The following HSD17B4 variants were observed in gnomAD, a reference collection of about 807,000 sequenced individuals.
HSD17B4 encodes peroxisomal multifunctional enzyme type 2.
In HSD17B4, 70 loss-of-function variants were observed where a neutral mutation model predicts 101.0. That is an observed-to-expected ratio of 0.69 (90% confidence interval 0.57 to 0.85). The LOEUF (loss-of-function observed/expected upper bound fraction) is 0.85, where lower values mean the gene tolerates loss of function less well. HSD17B4 is among the 40% of genes least tolerant of loss of function. The pLI, the probability that HSD17B4 is intolerant of heterozygous loss-of-function variation, is 0.00. For missense variants in HSD17B4, 984 were observed against 892.4 expected (o/e 1.10, Z -1.31); for synonymous variants, 347 against 297.1 (o/e 1.17, Z -1.73).
rs377227615 is a variant in HSD17B4, at chr5:119,497,844, A to T, written c.972+1198A>T. On this transcript the variant is annotated intron_variant, in intron 12 of 23. Coordinates refer to ENST00000510025, the MANE Select transcript of HSD17B4 (RefSeq NM_000414.4). ...TTTTTCAGTACCATTAGATTTCTGT[A>T]TCTAACTGTATGACAAGTATCATTT... Among the ~76,000 whole-genome samples, 78 of 152,304 alleles carry T rather than the reference A, an allele frequency of 5.1e-4. 2 individuals carry two copies. In the South Asian group the frequency reaches 0.016, roughly 31 times the overall value.
intron 10 of HSD17B4, chr5:119,492,552 A>C (rs1374348248): frequency 5.9e-6 from 1 of 169,566 alleles, no homozygotes; most frequent in East Asian, 1.5e-4. Flanking sequence ...CAATTTTCCC[A>C]TGTAATTATT....
chr5:119,502,216 C>T (rs1020323861), intron 14 of HSD17B4, 124 bp downstream of exon 14: 5 of 704,882 alleles, frequency 7.1e-6, no homozygotes, highest in South Asian at 3.3e-5. Context: ...AATTGTTATG[C>T]ACATGTGAGC....
intron 8 of HSD17B4, among the ~76,000 whole-genome samples, chr5:119,482,217 G>C (rs1424716539): frequency 1.3e-5 from 2 of 151,942 alleles, no homozygotes. Flanking sequence ...GCGTTTCCGT[G>C]CAGGAAGTTT....
At position 119,537,060 on chromosome 5, in the gene HSD17B4, A is replaced by G. The variant is rs549373967; in HGVS notation, c.2121+510A>G. Among the ~76,000 whole-genome samples, 8 of 152,256 alleles carry G rather than the reference A, an allele frequency of 5.3e-5. No individual in the cohort carries two copies. The South Asian group carries it at 1.4e-3, about 28-fold the overall frequency. ...CAAAATTAAAGTAATTGATGTGGCA[A>G]TTAGAATGGAGGAGAAAAATTTGTT... On this transcript the variant is annotated intron_variant, in intron 23 of 23. Transcript: ENST00000510025.
intron 16 of HSD17B4, among the ~76,000 whole-genome samples, chr5:119,512,923 C>G (rs192158754): frequency 8.5e-5 from 13 of 152,218 alleles, no homozygotes; most frequent in African/African-American, 3.1e-4. Context: ...TTGGACAACT[C>G]TATGAATATA....
intron 16 of HSD17B4, among the ~76,000 whole-genome samples, chr5:119,512,107 AAAAG>A (rs1220517038): frequency 2.0e-5 from 3 of 152,214 alleles, no homozygotes; most frequent in Non-Finnish European, 2.9e-5. Flanking sequence ...TAGATTTGAC[AAAAG>A]AAAGAATCAA....
At chr5:119,492,497 G>C (rs952908008) in intron 10 of HSD17B4, 9 of 210,744 alleles carry the variant, frequency 4.3e-5, no homozygotes, top group African/African-American at 2.1e-4. Context: ...AGCTGTTTTG[G>C]AAAAAGATGG....
In HSD17B4 at chr5:119,527,137, G is replaced by A. The variant is rs35281104; in HGVS notation, c.1685G>A (p.Arg562His). ...DVSRFKAIKA[R>H]FAKPVYPGQT... is the part of the protein sequence containing the mutation. The stretch of plus-strand genomic sequence containing the variant: ...CCCCACAATTCTTTTTTAAAGGCTC[G>A]TTTTGCAAAACCAGTATATCCAGGA... Residue 562 changes from arginine (R) to histidine (H), a missense_variant, in exon 20 of 24, where the codon CGT (arginine) becomes CAT (histidine). Arg to His is a conservative substitution (Grantham distance 29). Transcript: ENST00000510025. 5.9e-5 allele frequency: 94 copies of A among 1,588,786 alleles called. No individual in the cohort carries two copies. The African/African-American group carries it at 8.1e-4, about 14-fold the overall frequency.
chr5:119,454,720 C>G (rs1754423397), intron 1 of HSD17B4, among the ~76,000 whole-genome samples: 1 of 152,098 alleles, frequency 6.6e-6, no homozygotes, highest in African/African-American at 2.4e-5. Context: ...CTTCCGGGTT[C>G]AAACAATTCT....
intron 2 of HSD17B4, among the ~76,000 whole-genome samples, chr5:119,472,002 G>A (rs1345181976): frequency 1.3e-5 from 2 of 152,100 alleles, no homozygotes; most frequent in African/African-American, 4.8e-5. Flanking sequence ...ATCAATTAAT[G>A]TTTGTAAATA....
chr5:119,520,425 G>A (rs1753010273), intron 17 of HSD17B4, among the ~76,000 whole-genome samples: 1 of 151,898 alleles, frequency 6.6e-6, no homozygotes, highest in African/African-American at 2.4e-5. Context: ...TTAGATTTCT[G>A]GAGTTATTTT....
intron 8 of HSD17B4, among the ~76,000 whole-genome samples, chr5:119,480,927 T>A (rs1269198236): frequency 1.3e-5 from 2 of 152,204 alleles, no homozygotes; most frequent in Admixed American, 6.5e-5. Flanking sequence ...ATGGCTCTGT[T>A]CTGCTCGGCT....
intron 2 of HSD17B4, among the ~76,000 whole-genome samples, chr5:119,473,464 A>G (rs1190905514): frequency 6.6e-6 from 1 of 151,450 alleles, no homozygotes; most frequent in Non-Finnish European, 1.5e-5. Context: ...GACTACAGAT[A>G]CATGCCATAA....
intron 14 of HSD17B4, among the ~76,000 whole-genome samples, chr5:119,503,436 C>A (rs1303792092): frequency 6.6e-6 from 1 of 152,042 alleles, no homozygotes; most frequent in African/African-American, 2.4e-5. Flanking sequence ...TGTGCATTTT[C>A]TTTAAGCAGT....
At chr5:119,456,455 T>C in intron 2 of HSD17B4, 87 bp downstream of exon 2, 1 of 916,488 alleles carries the variant, frequency 1.1e-6, no homozygotes, top group East Asian at 2.4e-5. Flanking sequence ...TATCAAATAA[T>C]TTGTCAAGGT....
At chr5:119,468,284 C>G (rs1756012771) in intron 2 of HSD17B4, among the ~76,000 whole-genome samples, 1 of 151,998 alleles carries the variant, frequency 6.6e-6, no homozygotes. Context: ...ATAAGCATTT[C>G]TTTTAAGACG....
chr5:119,532,484 G>A (rs1254551996), intron 22 of HSD17B4, among the ~76,000 whole-genome samples: 1 of 152,008 alleles, frequency 6.6e-6, no homozygotes, highest in Non-Finnish European at 1.5e-5. Context: ...TAAAAAAAAG[G>A]TTCTGAAATT....
chr5:119,503,116 ATGTG>A (rs1205643447), intron 14 of HSD17B4, among the ~76,000 whole-genome samples: 1 of 103,844 alleles, frequency 9.6e-6, no homozygotes, highest in Non-Finnish European at 2.0e-5. Flanking sequence ...GTGTGTGTGT[ATGTG>A]TGCATGTATG....
At chr5:119,493,099 A>C (rs1186714036) in intron 10 of HSD17B4, 1 of 152,248 alleles carries the variant, frequency 6.6e-6, no homozygotes, top group Non-Finnish European at 1.5e-5. Context: ...CTTTATCAAT[A>C]GGAAAGCTCT....
Sources: gnomAD v4.1 joint callset for allele counts (sites outside exome capture counted in the v4.1 genomes callset) on GRCh38, gnomAD v4.1.1 for gene constraint, MANE v1.5 for transcripts, NCBI Gene and HGNC (gene_info 2026-07-23, HGNC 2026-07-21) for gene names.